Variants in FAR2 observed in about 807,000 individuals in gnomAD.
FAR2 encodes fatty acyl-CoA reductase 2.
In FAR2, 19 loss-of-function variants were observed where a neutral mutation model predicts 56.0. That is an observed-to-expected ratio of 0.34 (90% CI 0.24 to 0.50). The LOEUF (loss-of-function observed/expected upper bound fraction) is 0.50. Ranked by LOEUF, FAR2 falls within the 20% of genes least tolerant of loss-of-function variation. FAR2 has a pLI of 0.98. For synonymous variants in FAR2, 219 were observed against 218.8 expected (o/e 1.00, Z -0.01); for missense variants, 508 against 642.2 (o/e 0.79, Z 2.26).
At chr12:29,250,015 G>A (rs546921612) in intron 1 of FAR2, among the ~76,000 whole-genome samples, 2 of 152,072 alleles carry the variant, frequency 1.3e-5, no homozygotes, top group African/African-American at 4.8e-5. Flanking sequence ...CAAGTGACTC[G>A]AATGCTCACT....
chr12:29,156,998 T>G (rs1949732960), intron 1 of FAR2: 2 of 151,404 alleles, frequency 1.3e-5, no homozygotes, highest in Non-Finnish European at 2.9e-5. Context: ...GATTGGAAGA[T>G]TTCTGTGAGA....
intron 1 of FAR2, among the ~76,000 whole-genome samples, chr12:29,168,015 T>C (rs951272184): frequency 6.6e-6 from 1 of 152,150 alleles, no homozygotes; most frequent in Admixed American, 6.5e-5. Context: ...GTCGTCAAAA[T>C]AAATGTGCAT....
At chr12:29,239,210 G>A (rs1565483647) in intron 1 of FAR2, among the ~76,000 whole-genome samples, 1 of 152,084 alleles carries the variant, frequency 6.6e-6, no homozygotes, top group Non-Finnish European at 1.5e-5. Context: ...GATTACACAC[G>A]GAGTGAGTCA....
At chr12:29,327,872 A>G (rs1388643994) in intron 10 of FAR2, among the ~76,000 whole-genome samples, 1 of 152,104 alleles carries the variant, frequency 6.6e-6, no homozygotes, top group Non-Finnish European at 1.5e-5. Context: ...AAACACCAAA[A>G]GCAATGGCAA....
chr12:29,193,898 C>A (rs757086023), intron 1 of FAR2, among the ~76,000 whole-genome samples: 6 of 152,230 alleles, frequency 3.9e-5, no homozygotes, highest in Non-Finnish European at 8.8e-5. Flanking sequence ...GCTCCACATT[C>A]TCACCATCAT....
chr12:29,258,718 C>T (rs1445473993), intron 1 of FAR2, among the ~76,000 whole-genome samples: 2 of 152,198 alleles, frequency 1.3e-5, no homozygotes, highest in African/African-American at 4.8e-5. Context: ...CATCCATATA[C>T]AGCAACTAAT....
At chr12:29,309,497 T>C (rs550452899) in intron 6 of FAR2, among the ~76,000 whole-genome samples, 1 of 152,298 alleles carries the variant, frequency 6.6e-6, no homozygotes, top group African/African-American at 2.4e-5. Context: ...TCAAGGACTT[T>C]TCTTTAGTTA....
At position 29,316,828 on chromosome 12, in the gene FAR2, C is replaced by T. The variant is rs1051533247; in HGVS notation, c.956-13C>T. The T allele has an allele frequency of 3.7e-6, 6 of 1,613,332 alleles. No individual in the cohort carries two copies. The African/African-American group carries it at 8.0e-5, about 22-fold the overall frequency. On this transcript the variant is annotated splice_polypyrimidine_tract_variant and intron_variant, in intron 8 of 11. Coordinates refer to ENST00000536681, the MANE Select transcript of FAR2 (RefSeq NM_001271783.2). Reference sequence around the variant, plus strand: ...CCTTTTCTCCTCTAGCACTTACTTTCTTTTTTCCCCAGGAGTCCAAGTCTT... The same window carrying T: ...CCTTTTCTCCTCTAGCACTTACTTTTTTTTTTCCCCAGGAGTCCAAGTCTT...
At chr12:29,308,234 T>C (rs1949284856) in intron 5 of FAR2, among the ~76,000 whole-genome samples, 1 of 152,178 alleles carries the variant, frequency 6.6e-6, no homozygotes, top group Non-Finnish European at 1.5e-5. Flanking sequence ...GGATCTCAGT[T>C]TAGGAATACT....
intron 1 of FAR2, among the ~76,000 whole-genome samples, chr12:29,256,545 C>T (rs1261691359): frequency 1.4e-4 from 22 of 152,210 alleles, no homozygotes; most frequent in Non-Finnish European, 2.9e-5. Flanking sequence ...TTTGGCGGCA[C>T]TTGAGGAGCC....
intron 1 of FAR2, among the ~76,000 whole-genome samples, chr12:29,207,569 A>T (rs1308335754): frequency 6.6e-6 from 1 of 152,112 alleles, no homozygotes; most frequent in African/African-American, 2.4e-5. Flanking sequence ...TTTACTTGCT[A>T]CTATGGTTTG....
intron 3 of FAR2, among the ~76,000 whole-genome samples, chr12:29,294,725 G>A (rs1425590266): frequency 2.0e-5 from 3 of 152,092 alleles, no homozygotes. Context: ...AATTATTTAT[G>A]CAGTTATTTA....
At chr12:29,275,283 T>G (rs1948692525) in intron 2 of FAR2, among the ~76,000 whole-genome samples, 1 of 151,786 alleles carries the variant, frequency 6.6e-6, no homozygotes, top group African/African-American at 2.4e-5. Context: ...GGGGGAGCTT[T>G]TGAGCCAGGA....
chr12:29,149,730 G>T (rs1047680192), intron 1 of FAR2, among the ~76,000 whole-genome samples: 1 of 152,254 alleles, frequency 6.6e-6, no homozygotes, highest in Admixed American at 6.5e-5. Flanking sequence ...CAAGGTTAAT[G>T]TGGGGGGCCG....
At chr12:29,152,019 T>TAAAAA (rs1287697692) in intron 1 of FAR2, 5 of 152,180 alleles carry the variant, frequency 3.3e-5, no homozygotes, top group Non-Finnish European at 5.9e-5. Flanking sequence ...CCCTTATAGT[T>TAAAAA]TGGTGGAAAA....
At chr12:29,286,179 G>C (rs1320228279) in intron 2 of FAR2, among the ~76,000 whole-genome samples, 1 of 152,040 alleles carries the variant, frequency 6.6e-6, no homozygotes, top group Non-Finnish European at 1.5e-5. Flanking sequence ...CCTATTATTA[G>C]GGAACTACAA....
chr12:29,211,865 T>G (rs1340885534), intron 1 of FAR2, among the ~76,000 whole-genome samples: 1 of 148,844 alleles, frequency 6.7e-6, no homozygotes, highest in Non-Finnish European at 1.5e-5. Context: ...AGTGGACTCC[T>G]AATCTAGTAT....
intron 1 of FAR2, among the ~76,000 whole-genome samples, chr12:29,268,239 G>T (rs1221783207): frequency 6.6e-6 from 1 of 152,112 alleles, no homozygotes. Context: ...GAGCTGTTCT[G>T]CAGGATCCAT....
At chr12:29,154,786 A>AATT (rs78589942) in intron 1 of FAR2, among the ~76,000 whole-genome samples, 151,451 of 152,282 alleles carry the variant, frequency 0.99, 75,320 homozygotes, top group Middle Eastern at 1. Context: ...GCATGTTAAT[A>AATT]ATCAAGAAAA....
Sources: allele counts gnomAD v4.1 joint callset (sites outside exome capture counted in the v4.1 genomes callset), GRCh38; gene constraint gnomAD v4.1.1; transcripts MANE v1.5; gene names NCBI Gene and HGNC (gene_info 2026-07-23, HGNC 2026-07-21).